Variants in TLK2 observed in about 807,000 individuals in gnomAD.
The protein encoded by TLK2 is serine/threonine-protein kinase tousled-like 2.
In TLK2, 6 loss-of-function variants were observed where a neutral mutation model predicts 117.3. That is an observed-to-expected ratio of 0.05 (90% CI 0.03 to 0.10). The LOEUF (loss-of-function observed/expected upper bound fraction) is 0.10. TLK2 is among the 10% of genes least tolerant of loss of function. TLK2 has a pLI of 1.00. For synonymous variants in TLK2, 257 were observed against 316.7 expected (o/e 0.81, Z 2.00); for missense variants, 299 against 901.2 (o/e 0.33, Z 8.56).
intron 10 of TLK2, among the ~76,000 whole-genome samples, chr17:62,563,603 T>G (rs530577375): frequency 5.9e-5 from 9 of 152,232 alleles, no homozygotes; most frequent in Non-Finnish European, 8.8e-5. Context: ...CAAGGACTTT[T>G]ATCCCATGGT....
intron 7 of TLK2, among the ~76,000 whole-genome samples, chr17:62,545,975 A>G (rs2077880570): frequency 6.6e-6 from 1 of 152,110 alleles, no homozygotes; most frequent in South Asian, 2.1e-4. Context: ...TCTGCTTCCC[A>G]GATTCAAGCA....
chr17:62,499,214 G>A (rs1375344575), intron 2 of TLK2, among the ~76,000 whole-genome samples: 1 of 151,902 alleles, frequency 6.6e-6, no homozygotes, highest in Non-Finnish European at 1.5e-5. Flanking sequence ...GTTGGTGTGC[G>A]CTTGTAGTCC....
intron 2 of TLK2, among the ~76,000 whole-genome samples, chr17:62,498,411 A>G: frequency 6.8e-6 from 1 of 146,048 alleles, no homozygotes. Flanking sequence ...TTTTTTTGAG[A>G]CAAAGTCTTG....
chr17:62,538,569 G>A (rs1016590431), intron 7 of TLK2, among the ~76,000 whole-genome samples: 3 of 152,222 alleles, frequency 2.0e-5, no homozygotes, highest in Non-Finnish European at 4.4e-5. Context: ...TCTGTAAAAA[G>A]TATGGTATGT....
intron 17 of TLK2, among the ~76,000 whole-genome samples, chr17:62,596,938 C>T (rs573910894): frequency 2.0e-4 from 31 of 152,302 alleles, no homozygotes; most frequent in South Asian, 1.9e-3. Context: ...TTGCCAGTTT[C>T]CGTGGTGTAG....
intron 1 of TLK2, among the ~76,000 whole-genome samples, chr17:62,471,698 T>C (rs1012358148): frequency 6.6e-5 from 10 of 152,098 alleles, no homozygotes; most frequent in African/African-American, 2.4e-4. Context: ...TCTGCTGTCC[T>C]AACTTCCCTG....
intron 15 of TLK2, 73 bp from the exon 16 acceptor site, chr17:62,586,062 A>C (rs930820643): frequency 1.1e-5 from 12 of 1,142,810 alleles, no homozygotes; most frequent in African/African-American, 1.6e-5. Context: ...TTATATGTTA[A>C]ATTAAAGCTT....
At chr17:62,604,928 A>G (rs1178368246) in intron 19 of TLK2, among the ~76,000 whole-genome samples, 11 of 152,290 alleles carry the variant, frequency 7.2e-5, no homozygotes, top group Admixed American at 6.5e-4. Context: ...AACAACTCCT[A>G]TTCTTTCCTG....
intron 16 of TLK2, among the ~76,000 whole-genome samples, chr17:62,591,078 G>A (rs995628072): frequency 3.3e-5 from 5 of 151,816 alleles, no homozygotes; most frequent in Admixed American, 6.6e-5. Flanking sequence ...GGTGAAACCC[G>A]GTCTCTACTA....
chr17:62,534,459 CAA>C (rs2076973196), intron 6 of TLK2, among the ~76,000 whole-genome samples: 1 of 152,170 alleles, frequency 6.6e-6, no homozygotes, highest in Admixed American at 6.5e-5. Flanking sequence ...AGTTTGCTTT[CAA>C]GTATTTTACA....
At chr17:62,583,857 GTGAGCCACCACGC>G (rs2081395755) in intron 15 of TLK2, among the ~76,000 whole-genome samples, 1 of 152,132 alleles carries the variant, frequency 6.6e-6, no homozygotes, top group African/African-American at 2.4e-5. Context: ...GATTACAGGT[GTGAGCCACCACGC>G]TGAGCCCCAC....
chr17:62,534,490 T>G (rs1353271706), intron 6 of TLK2, among the ~76,000 whole-genome samples: 3 of 152,240 alleles, frequency 2.0e-5, no homozygotes, highest in Admixed American at 6.5e-5. Context: ...TTTGCTACTT[T>G]GAATCTGCTT....
intron 1 of TLK2, 102 bp downstream of exon 1, chr17:62,479,392 G>C (rs2071330624): frequency 1.3e-5 from 2 of 153,294 alleles, no homozygotes; most frequent in Admixed American, 1.3e-4. Context: ...GGCCCAGCTC[G>C]GGGCCGGCTC....
At chr17:62,610,735 G>GGAGGGTGAGGGT (rs1460020007) in intron 21 of TLK2, among the ~76,000 whole-genome samples, 1 of 152,200 alleles carries the variant, frequency 6.6e-6, no homozygotes, top group Non-Finnish European at 1.5e-5. Context: ...AAGAGAGGCA[G>GGAGGGTGAGGGT]GAGGGTGAGG....
intron 16 of TLK2, among the ~76,000 whole-genome samples, chr17:62,595,066 A>C (rs2147079292): frequency 6.6e-6 from 1 of 152,144 alleles, no homozygotes; most frequent in African/African-American, 2.4e-5. Flanking sequence ...GGTTCAAGTG[A>C]TTCTCCTGCT....
intron 19 of TLK2, among the ~76,000 whole-genome samples, chr17:62,602,626 A>C (rs945159435): frequency 1.3e-5 from 2 of 152,138 alleles, no homozygotes. Context: ...ATCAGGATGA[A>C]ACATAACTAT....
chr17:62,486,003 G>T (rs920801135), intron 2 of TLK2, among the ~76,000 whole-genome samples: 6 of 151,764 alleles, frequency 4.0e-5, no homozygotes, highest in African/African-American at 1.5e-4. Flanking sequence ...TGTATTTTTA[G>T]TAGAGACGGG....
intron 17 of TLK2, among the ~76,000 whole-genome samples, chr17:62,597,891 A>G (rs2082594863): frequency 6.6e-6 from 1 of 152,180 alleles, no homozygotes; most frequent in Non-Finnish European, 1.5e-5. Flanking sequence ...AGAAGTCTGA[A>G]CTGAATCAGA....
Position 62,596,439 on chromosome 17 carries a change from AAAAGTCAG to A in TLK2, c.1461-144_1461-137del. ...TGGAGAAAATAGGATGAGCAAAGAG[AAAAGTCAG>A]ATGAGGGACCAGATGGACCTGAATG... is the stretch of plus-strand genomic sequence containing the variant. On this transcript the variant is annotated intron_variant, in intron 16 of 21. Transcript: ENST00000346027. 4 of 607,490 alleles carry A rather than the reference AAAAGTCAG, an allele frequency of 6.6e-6. No individual in the cohort carries two copies. The South Asian group carries it at 8.7e-5, about 13-fold the overall frequency. 37.6% of individuals were successfully genotyped at this position (607,490 alleles called of 1,614,324 possible). A position where few individuals can be genotyped will look rare whatever the true frequency, so the allele number is the denominator to read the frequency against.
Sources: gnomAD v4.1 joint callset for allele counts (sites outside exome capture counted in the v4.1 genomes callset) on GRCh38, gnomAD v4.1.1 for gene constraint, MANE v1.5 for transcripts, NCBI Gene and HGNC (gene_info 2026-07-23, HGNC 2026-07-21) for gene names.